Variants in SUCLG2 observed in about 807,000 individuals in gnomAD.
The protein encoded by SUCLG2 is succinate--CoA ligase [GDP-forming] subunit beta, mitochondrial.
SUCLG2 carries 42 observed loss-of-function variants against 47.9 expected under a neutral mutation model. The ratio of observed to expected loss-of-function variants is 0.88; its 90% CI spans 0.69 to 1.14. SUCLG2 has a LOEUF of 1.14. Ranked by LOEUF, SUCLG2 falls within the 50% of genes most tolerant of loss-of-function variation. The pLI, the probability that SUCLG2 is intolerant of heterozygous loss-of-function variation, is 0.00. For missense variants in SUCLG2, 571 were observed against 525.9 expected (o/e 1.09, Z -0.84); for synonymous variants, 195 against 197.3 (o/e 0.99, Z 0.10).
rs140063002 is a variant in SUCLG2 at position 67,527,761 on chromosome 3, C to T, written c.417+371G>A. ...CCACAATAGGTAATTCTGACAGACA[C>T]GCCTGGGGTTGAGGGCCACTGTGTG... On this transcript the variant is annotated intron_variant, in intron 4 of 10. Transcript: ENST00000307227. Among the ~76,000 whole-genome samples, 684 of 152,270 alleles carry T rather than the reference C, an allele frequency of 4.5e-3. 8 individuals carry two copies. The East Asian group carries it at 0.053, about 12-fold the overall frequency.
intron 9 of SUCLG2, among the ~76,000 whole-genome samples, chr3:67,418,770 T>C (rs561192068): frequency 2.8e-4 from 42 of 152,274 alleles, no homozygotes; most frequent in African/African-American, 9.9e-4. Flanking sequence ...CTGGTTAATC[T>C]CTGCCTCTGT....
chr3:67,637,809 G>A (rs761509032), intron 1 of SUCLG2, among the ~76,000 whole-genome samples: 1 of 152,166 alleles, frequency 6.6e-6, no homozygotes, highest in Non-Finnish European at 1.5e-5. Flanking sequence ...TTTGATCCAT[G>A]TAGCTTTCTC....
At chr3:67,598,415 A>G (rs1333513735) in intron 2 of SUCLG2, among the ~76,000 whole-genome samples, 1 of 152,174 alleles carries the variant, frequency 6.6e-6, no homozygotes, top group East Asian at 1.9e-4. Flanking sequence ...AGTAAAAGGG[A>G]TTTGCAGTTA....
chr3:67,505,834 C>T (rs562827003), intron 7 of SUCLG2, among the ~76,000 whole-genome samples: 9 of 152,010 alleles, frequency 5.9e-5, no homozygotes, highest in South Asian at 2.1e-4. Flanking sequence ...CGGTGGTGGG[C>T]GCCTGTAATC....
intron 10 of SUCLG2, among the ~76,000 whole-genome samples, chr3:67,384,420 C>T (rs1309578889): frequency 6.6e-6 from 1 of 152,208 alleles, no homozygotes; most frequent in East Asian, 1.9e-4. Context: ...GTGACACAGC[C>T]ATGTCCATTC....
chr3:67,608,994 C>A (rs1021557723), intron 2 of SUCLG2, among the ~76,000 whole-genome samples: 2 of 152,160 alleles, frequency 1.3e-5, no homozygotes, highest in Non-Finnish European at 2.9e-5. Context: ...AGGTTTTTGA[C>A]ACTTAGGCCA....
chr3:67,531,774 T>C (rs1706411165), intron 2 of SUCLG2, among the ~76,000 whole-genome samples: 1 of 152,186 alleles, frequency 6.6e-6, no homozygotes. Context: ...GTTTTTCTCA[T>C]CTTGAGAAAA....
At chr3:67,466,105 C>T (rs962255363) in intron 9 of SUCLG2, among the ~76,000 whole-genome samples, 2 of 152,210 alleles carry the variant, frequency 1.3e-5, no homozygotes, top group Non-Finnish European at 2.9e-5. Context: ...GTAATCTCAG[C>T]ACTTTGGGAG....
At chr3:67,422,808 C>T (rs373808233) in intron 9 of SUCLG2, among the ~76,000 whole-genome samples, 28 of 152,168 alleles carry the variant, frequency 1.8e-4, no homozygotes, top group African/African-American at 5.1e-4. Flanking sequence ...GGGCAACTGA[C>T]GGATAGGGCA....
At chr3:67,424,231 G>A (rs1703242692) in intron 9 of SUCLG2, among the ~76,000 whole-genome samples, 1 of 152,102 alleles carries the variant, frequency 6.6e-6, no homozygotes. Context: ...GATATACAAT[G>A]GTGAGGGGAC....
intron 9 of SUCLG2, among the ~76,000 whole-genome samples, chr3:67,487,499 T>TACACACACACACACACACAC (rs143841918): frequency 6.7e-6 from 1 of 149,922 alleles, no homozygotes; most frequent in African/African-American, 2.5e-5. Context: ...AACACACATA[T>TACACACACACACACACACAC]ACACACACAC....
At chr3:67,417,031 G>T (rs539755533) in intron 9 of SUCLG2, among the ~76,000 whole-genome samples, 6 of 151,676 alleles carry the variant, frequency 4.0e-5, no homozygotes, top group Non-Finnish European at 8.8e-5. Context: ...GATGAAGAAA[G>T]CTATTTTGAT....
intron 10 of SUCLG2, among the ~76,000 whole-genome samples, chr3:67,381,138 C>G (rs1702149216): frequency 6.6e-6 from 1 of 152,004 alleles, no homozygotes; most frequent in African/African-American, 2.4e-5. Context: ...GATTGCACCA[C>G]TGCACTCCAG....
chr3:67,411,635 C>A (rs1702935437), intron 9 of SUCLG2, among the ~76,000 whole-genome samples: 2 of 152,064 alleles, frequency 1.3e-5, no homozygotes, highest in Admixed American at 6.6e-5. Flanking sequence ...CATTACAAAT[C>A]TCACTAGTAT....
At chr3:67,573,700 T>C (rs775114283) in intron 2 of SUCLG2, among the ~76,000 whole-genome samples, 126 of 152,242 alleles carry the variant, frequency 8.3e-4, no homozygotes, top group Non-Finnish European at 1.0e-3. Flanking sequence ...CCTTTTCCTG[T>C]GTGAAACCTG....
At chr3:67,605,049 G>A (rs1398937212) in intron 2 of SUCLG2, among the ~76,000 whole-genome samples, 1 of 152,082 alleles carries the variant, frequency 6.6e-6, no homozygotes, top group South Asian at 2.1e-4. Context: ...GGAATTTGCT[G>A]CCACTGACAA....
intron 1 of SUCLG2, among the ~76,000 whole-genome samples, chr3:67,636,834 T>C (rs1701019423): frequency 6.6e-6 from 1 of 151,204 alleles, no homozygotes; most frequent in Non-Finnish European, 1.5e-5. Context: ...CAGCTGATAA[T>C]GTAACTTACT....
intron 7 of SUCLG2, among the ~76,000 whole-genome samples, chr3:67,504,044 AT>A (rs1705572582): frequency 6.6e-6 from 1 of 152,244 alleles, no homozygotes; most frequent in Non-Finnish European, 1.5e-5. Context: ...AGTTTGAAAA[AT>A]AATCTGTCTT....
chr3:67,598,575 T>C (rs1176486805), intron 2 of SUCLG2, among the ~76,000 whole-genome samples: 1 of 152,188 alleles, frequency 6.6e-6, no homozygotes, highest in Admixed American at 6.5e-5. Context: ...CTATACTTTA[T>C]TTTGTATATG....
Sources: allele counts gnomAD v4.1 joint callset (sites outside exome capture counted in the v4.1 genomes callset), GRCh38; gene constraint gnomAD v4.1.1; transcripts MANE v1.5; gene names NCBI Gene and HGNC (gene_info 2026-07-23, HGNC 2026-07-21).